The following OR2L13 variants were observed in gnomAD, a reference collection of about 807,000 sequenced individuals.
OR2L13 encodes olfactory receptor 2L13.
Under a neutral mutation model 15.3 loss-of-function variants are expected in OR2L13, and 14 were observed. The ratio of observed to expected loss-of-function variants is 0.91; its 90% CI spans 0.60 to 1.43. OR2L13 has a LOEUF of 1.43. Among genes scored for constraint, OR2L13 ranks in the 40% most tolerant of loss-of-function variants. The pLI is 0.00. For synonymous variants in OR2L13, 152 were observed against 142.9 expected (o/e 1.06, Z -0.45); for missense variants, 367 against 387.9 (o/e 0.95, Z 0.45).
chr1:247,950,581 G>A, the OR2L13 span, among the ~76,000 whole-genome samples: 1 of 152,060 alleles, frequency 6.6e-6, no homozygotes, highest in South Asian at 2.1e-4. Context: ...TTATATTGAA[G>A]AGACTGTCAG....
the OR2L13 span, among the ~76,000 whole-genome samples, chr1:247,943,636 G>C: frequency 6.6e-6 from 1 of 152,058 alleles, no homozygotes; most frequent in East Asian, 1.9e-4. Flanking sequence ...ATGATGGTTT[G>C]ACTTGCACCT....
chr1:248,048,162 A>G, the OR2L13 span, among the ~76,000 whole-genome samples: 98 of 152,272 alleles, frequency 6.4e-4, no homozygotes, highest in African/African-American at 2.1e-3. Flanking sequence ...CTGTGTATCT[A>G]TCTGTGAGAG....
At chr1:248,098,665 T>C (rs1274784654) in exon 2 of OR2L13, 1 of 152,082 alleles carries the variant, frequency 6.6e-6, no homozygotes, top group African/African-American at 2.4e-5. Context: ...AGTTGAAAAA[T>C]CAGTAACCCA....
At chr1:247,988,093 A>C in the OR2L13 span, among the ~76,000 whole-genome samples, 1 of 152,116 alleles carries the variant, frequency 6.6e-6, no homozygotes, top group Non-Finnish European at 1.5e-5. Flanking sequence ...TTTGTGATTT[A>C]ACATGCCATT....
the OR2L13 span, chr1:248,038,456 TC>T: frequency 6.2e-7 from 1 of 1,613,878 alleles, no homozygotes; most frequent in Non-Finnish European, 8.5e-7. Context: ...TCCTACTTAG[TC>T]AGCTCTCCCT....
chr1:248,007,708 G>A, the OR2L13 span, among the ~76,000 whole-genome samples: 20 of 152,094 alleles, frequency 1.3e-4, no homozygotes, highest in South Asian at 4.1e-4. Flanking sequence ...CTTCACAGTC[G>A]TTCTTTAATT....
the OR2L13 span, among the ~76,000 whole-genome samples, chr1:247,977,724 C>A: frequency 1.3e-5 from 2 of 152,166 alleles, no homozygotes; most frequent in Admixed American, 1.3e-4. Flanking sequence ...TTAATTGTTT[C>A]TTTAGATATC....
At chr1:248,081,163 C>A in the OR2L13 span, among the ~76,000 whole-genome samples, 1 of 151,914 alleles carries the variant, frequency 6.6e-6, no homozygotes, top group Non-Finnish European at 1.5e-5. Context: ...TCTATGCAAA[C>A]CTTTATTAAG....
At chr1:248,085,208 C>T in the OR2L13 span, among the ~76,000 whole-genome samples, 1 of 151,798 alleles carries the variant, frequency 6.6e-6, no homozygotes, top group South Asian at 2.1e-4. Context: ...CAGACCTCCA[C>T]TGCCTCCATT....
the OR2L13 span, among the ~76,000 whole-genome samples, chr1:247,987,794 A>T: frequency 2.2e-4 from 34 of 151,498 alleles, no homozygotes; most frequent in Non-Finnish European, 4.0e-4. Context: ...CTACCCCCAA[A>T]CTCATTACCC....
upstream of OR2L13, among the ~76,000 whole-genome samples, chr1:248,091,277 CTTTAA>C (rs1303880039): frequency 6.8e-6 from 1 of 146,102 alleles, no homozygotes; most frequent in African/African-American, 2.8e-5. Context: ...TGCAAGAGCT[CTTTAA>C]TTTAATTAGG....
At chr1:248,003,720 C>G in the OR2L13 span, 4 of 1,613,546 alleles carry the variant, frequency 2.5e-6, no homozygotes, top group Admixed American at 1.7e-5. Context: ...TATGAGGGCA[C>G]AGTGCTTTTG....
the OR2L13 span, among the ~76,000 whole-genome samples, chr1:247,960,544 T>A: frequency 0.79 from 120,402 of 152,084 alleles, 52,238 homozygotes; most frequent in South Asian, 0.95. Flanking sequence ...AGAGGTGGAG[T>A]TTACAGAGGC....
At chr1:247,949,313 G>T in the OR2L13 span, 4 of 1,614,034 alleles carry the variant, frequency 2.5e-6, no homozygotes, top group Admixed American at 3.3e-5. Context: ...TCATAGGCTC[G>T]ATCAATGCTT....
At chr1:248,023,633 A>T in the OR2L13 span, 4 of 152,206 alleles carry the variant, frequency 2.6e-5, no homozygotes, top group African/African-American at 9.7e-5. Context: ...GCAAGTCTAT[A>T]CATCTTGGAT....
At chr1:247,954,624 T>TC in the OR2L13 span, among the ~76,000 whole-genome samples, 2 of 151,652 alleles carry the variant, frequency 1.3e-5, no homozygotes, top group South Asian at 4.2e-4. Flanking sequence ...TCTTTTCTTT[T>TC]TTTTTGATTT....
At chr1:247,981,696 G>C in the OR2L13 span, among the ~76,000 whole-genome samples, 5 of 151,842 alleles carry the variant, frequency 3.3e-5, no homozygotes, top group African/African-American at 1.2e-4. Flanking sequence ...AAGTGATAGT[G>C]ATTATTTTGA....
the OR2L13 span, among the ~76,000 whole-genome samples, chr1:248,010,763 G>GTTTT: frequency 0.022 from 956 of 44,392 alleles, 16 homozygotes; most frequent in Middle Eastern, 0.038. Context: ...CTTTGTTGTT[G>GTTTT]TTTTTTTTTT....
At chr1:248,022,523 G>A in the OR2L13 span, 8 of 1,614,044 alleles carry the variant, frequency 5.0e-6, no homozygotes, top group Non-Finnish European at 6.8e-6. Context: ...CAGACACCTG[G>A]GTCTATGAGT....
Sources: gnomAD v4.1 joint callset for allele counts (sites outside exome capture counted in the v4.1 genomes callset) on GRCh38, gnomAD v4.1.1 for gene constraint, MANE v1.5 for transcripts, NCBI Gene and HGNC (gene_info 2026-07-23, HGNC 2026-07-21) for gene names.